CCDC93: variants seen among roughly 807,000 people sequenced by gnomAD.
CCDC93 encodes the protein CCC complex scaffolding subunit CCDC93.
In CCDC93, 61 loss-of-function variants were observed where a neutral mutation model predicts 108.2. That is an observed-to-expected ratio of 0.56 (90% CI 0.46 to 0.70). The LOEUF is 0.70. Ranked by LOEUF, CCDC93 falls within the 30% of genes least tolerant of loss-of-function variation. The probability of loss-of-function intolerance (pLI) is 0.00; values close to 1 mark genes in which losing one functional copy is unlikely to be tolerated. For synonymous variants in CCDC93, 276 were observed against 260.4 expected (o/e 1.06, Z -0.58); for missense variants, 685 against 764.2 (o/e 0.90, Z 1.22).
chr2:118,008,624 T>C lies in CCDC93; in HGVS notation c.77A>G (p.Lys26Arg), dbSNP rs1558808201. ...ETREDEEQNV[K>R]LTEILELLVA... ...CAAGAGCTCCAGAATTTCAGTCAAC[T>C]TGACATTTTGTTCTTCATCTTCTCT... Residue 26 changes from lysine to arginine, a missense_variant, in exon 2 of 24, where the codon AAG becomes AGG. By Grantham distance (26) the Lys-to-Arg change is conservative. Transcript: ENST00000376300. 3 of 1,613,524 alleles carry C rather than the reference T, an allele frequency of 1.9e-6. No individual in the cohort carries two copies. The highest frequency in any genetic ancestry group is 2.2e-5 in the East Asian group (1 of 44,878).
intron 11 of CCDC93, among the ~76,000 whole-genome samples, chr2:117,962,155 T>C (rs958234543): frequency 3.3e-5 from 5 of 152,232 alleles, no homozygotes; most frequent in African/African-American, 1.2e-4. Flanking sequence ...TATATACTTT[T>C]ATAATTGAAA....
At chr2:117,934,140 T>G (rs1458429087) in intron 22 of CCDC93, 2 of 152,174 alleles carry the variant, frequency 1.3e-5, no homozygotes, top group Admixed American at 6.5e-5. Flanking sequence ...TGGAGTTTTT[T>G]CCTTTGGCCT....
At chr2:117,935,709 G>A in intron 21 of CCDC93, 130 bp from the exon 22 acceptor site, 1 of 536,612 alleles carries the variant, frequency 1.9e-6, no homozygotes, top group East Asian at 3.1e-5. Context: ...AACGCACAGT[G>A]GAGCCACGGG....
intron 13 of CCDC93, chr2:117,951,023 A>G: frequency 4.1e-6 from 4 of 983,344 alleles, no homozygotes; most frequent in Non-Finnish European, 4.8e-6. Context: ...CTATAACATG[A>G]AAAGGGCTCA....
chr2:117,956,967 C>G (rs547582575), intron 12 of CCDC93, among the ~76,000 whole-genome samples: 1 of 151,796 alleles, frequency 6.6e-6, no homozygotes, highest in African/African-American at 2.4e-5. Context: ...CTCGGCTCAC[C>G]GCAACCTCCG....
chr2:117,929,320 G>T lies in CCDC93; in HGVS notation c.1842+1717C>A, dbSNP rs187842642. Among the ~76,000 whole-genome samples, 475 of 152,228 alleles carry T rather than the reference G, an allele frequency of 3.1e-3. 4 individuals carry two copies. Among genetic ancestry groups the T allele is most frequent in the African/African-American group, 0.011 (454 of 41,524 alleles). On this transcript the variant is annotated intron_variant, in intron 23 of 23. Transcript: ENST00000376300. ...CCTCCCCCTCTTCTGACTTGCTTTG[G>T]ACTGAAGGAAAGAGGCCTGGCAAGA... is the stretch of plus-strand genomic sequence containing the variant.
At chr2:117,942,134 G>A (rs1678720002) in intron 18 of CCDC93, among the ~76,000 whole-genome samples, 1 of 152,214 alleles carries the variant, frequency 6.6e-6, no homozygotes, top group African/African-American at 2.4e-5. Flanking sequence ...GAGAGGGAAG[G>A]ATGTATTTCT....
At chr2:117,936,602 C>G (rs1678532579) in intron 21 of CCDC93, 100 bp downstream of exon 21, 4 of 928,986 alleles carry the variant, frequency 4.3e-6, no homozygotes, top group Non-Finnish European at 7.2e-6. Context: ...TTAAGTCTTG[C>G]ATGTACCTTT....
At chr2:117,976,759 C>T (rs952290706) in intron 8 of CCDC93, among the ~76,000 whole-genome samples, 5 of 152,122 alleles carry the variant, frequency 3.3e-5, no homozygotes, top group African/African-American at 1.2e-4. Context: ...TAGAACAGTG[C>T]TCCTAGTCAC....
rs535632680 is a variant in CCDC93, at chr2:117,941,432, A to G, written c.1414-135T>C. The G allele has an allele frequency of 9.9e-5, 65 of 653,402 alleles. 2 individuals are homozygous for G. The South Asian group carries it at 1.1e-3, about 11-fold the overall frequency. 40.5% of individuals were successfully genotyped at this position (653,402 alleles called of 1,614,324 possible). A position where few individuals can be genotyped will look rare whatever the true frequency, so the allele number is the denominator to read the frequency against. The stretch of plus-strand genomic sequence containing the variant: ...TACAATGCAGGCACAAACTCCTGCC[A>G]TGGGCTTAAAGGTCCCCATCTCAGA... On this transcript the variant is annotated intron_variant, in intron 18 of 23. Coordinates refer to ENST00000376300, the MANE Select transcript of CCDC93 (RefSeq NM_019044.5).
intron 1 of CCDC93, 74 bp from the exon 2 acceptor site, chr2:118,008,732 C>A: frequency 1.1e-6 from 1 of 880,600 alleles, no homozygotes; most frequent in Non-Finnish European, 1.9e-6. Context: ...TCCCCTGATG[C>A]CACAAGCTCA....
chr2:117,966,961 T>C (rs1679601266), intron 11 of CCDC93, among the ~76,000 whole-genome samples: 1 of 152,224 alleles, frequency 6.6e-6, no homozygotes, highest in Admixed American at 6.5e-5. Flanking sequence ...GAGATCAAGA[T>C]GTTGACATTC....
At chr2:117,985,875 A>C in intron 7 of CCDC93, 94 bp downstream of exon 7, 1 of 711,774 alleles carries the variant, frequency 1.4e-6, no homozygotes, top group Non-Finnish European at 2.4e-6. Context: ...GCAGAAACTC[A>C]ATCGGGTAGA....
chr2:117,954,859 C>T (rs1026171889), intron 12 of CCDC93, among the ~76,000 whole-genome samples: 1 of 152,144 alleles, frequency 6.6e-6, no homozygotes, highest in South Asian at 2.1e-4. Flanking sequence ...CTCAGGAGAA[C>T]TGATGGTTTT....
At chr2:117,988,959 G>C (rs574863929) in intron 6 of CCDC93, among the ~76,000 whole-genome samples, 3 of 152,254 alleles carry the variant, frequency 2.0e-5, no homozygotes, top group Admixed American at 2.0e-4. Context: ...AGTATGACTT[G>C]GTGGGTAAGA....
At chr2:117,941,100 T>C (rs2303331) in intron 19 of CCDC93, 89 bp downstream of exon 19, 79,856 of 902,762 alleles carry the variant, frequency 0.088, 4,116 homozygotes, top group East Asian at 0.18. Context: ...GACTGTGCTC[T>C]GGTGCATGCT....
intron 11 of CCDC93, among the ~76,000 whole-genome samples, chr2:117,968,107 C>T (rs951697010): frequency 1.3e-5 from 2 of 152,070 alleles, no homozygotes; most frequent in African/African-American, 2.4e-5. Flanking sequence ...AGAAGTCAAC[C>T]AATGAATGAT....
intron 22 of CCDC93, chr2:117,934,722 A>T (rs1297134939): frequency 2.6e-5 from 4 of 152,200 alleles, no homozygotes. Flanking sequence ...ACATTCTGGC[A>T]TCACTCACTG....
chr2:117,985,960 A>T lies in CCDC93; in HGVS notation c.620+9T>A. On this transcript the variant is annotated intron_variant, in intron 7 of 23. Transcript: ENST00000376300. Reference sequence around the variant, plus strand: ...AAAAGAGACACCTAGACTGGGTCCCACTCATTACCTGCCATATTCCAAAAG... The same window carrying T: ...AAAAGAGACACCTAGACTGGGTCCCTCTCATTACCTGCCATATTCCAAAAG... 1 of 1,550,534 alleles carries T rather than the reference A, an allele frequency of 6.4e-7. No homozygotes were observed. The highest frequency in any genetic ancestry group is 8.9e-7 in the Non-Finnish European group (1 of 1,123,026).
Sources: gnomAD v4.1 joint callset for allele counts (sites outside exome capture counted in the v4.1 genomes callset) on GRCh38, gnomAD v4.1.1 for gene constraint, MANE v1.5 for transcripts, NCBI Gene and HGNC (gene_info 2026-07-23, HGNC 2026-07-21) for gene names.